Variants in VPS13B observed in about 807,000 individuals in gnomAD.
VPS13B encodes intermembrane lipid transfer protein VPS13B.
In VPS13B, 285 loss-of-function variants were observed where a neutral mutation model predicts 426.4. The observed-to-expected ratio is 0.67, with a 90% CI of 0.61 to 0.74. The LOEUF is 0.74. VPS13B is among the 30% of genes least tolerant of loss of function. The pLI, the probability that VPS13B is intolerant of heterozygous loss-of-function variation, is 0.00. For missense variants in VPS13B, 4,537 were observed against 4,782.6 expected (o/e 0.95, Z 1.51); for synonymous variants, 1,676 against 1,676.4 (o/e 1.00, Z 0.01).
At chr8:99,783,084 G>A (rs116270222) in intron 42 of VPS13B, among the ~76,000 whole-genome samples, 2 of 152,150 alleles carry the variant, frequency 1.3e-5, no homozygotes, top group African/African-American at 4.8e-5. Flanking sequence ...ATGATTAGGA[G>A]TAGATTCTGT....
intron 34 of VPS13B, among the ~76,000 whole-genome samples, chr8:99,643,189 T>C (rs746967354): frequency 4.6e-5 from 7 of 152,158 alleles, no homozygotes; most frequent in Non-Finnish European, 8.8e-5. Flanking sequence ...GGTGACAGTA[T>C]ACCCTTTCCC....
In VPS13B at chr8:99,835,630, C is replaced by T; in HGVS notation, c.9834C>T (p.Asp3278=). ...ATCATCAGATTTCCAGTTATCCGGACTGCAAGACCAAAGACTTACTTCCAA... is the reference window on the plus strand; with the variant it reads ...ATCATCAGATTTCCAGTTATCCGGATTGCAAGACCAAAGACTTACTTCCAA... The part of the protein sequence containing the change: ...ELYHQISSYP[D]CKTKDLLPSL... The change falls in exon 54 of 62, where the codon GAC becomes GAT. Residue 3278 remains aspartate, a synonymous_variant. Transcript: ENST00000357162. 1 of 1,614,100 alleles carries T rather than the reference C, an allele frequency of 6.2e-7. No homozygotes were observed. The highest frequency in any genetic ancestry group is 8.5e-7 in the Non-Finnish European group (1 of 1,180,026).
rs146360791 is a variant in VPS13B, at chr8:99,691,587, C to A, written c.6047-7938C>A. ...AATACAGTGTCAGCCGCTGCAAAATCATGCCAAAATGTAAAGACCATCGAG... is the reference window on the plus strand; with the variant it reads ...AATACAGTGTCAGCCGCTGCAAAATAATGCCAAAATGTAAAGACCATCGAG... On this transcript the variant is annotated intron_variant, in intron 35 of 61. Transcript: ENST00000357162. 3.5e-4 allele frequency among the ~76,000 whole-genome samples: 53 copies of A among 151,820 alleles called. 1 individual carries two copies. The East Asian group carries it at 9.9e-3, about 28-fold the overall frequency.
At chr8:99,253,942 C>G (rs1817628258) in intron 17 of VPS13B, among the ~76,000 whole-genome samples, 1 of 152,124 alleles carries the variant, frequency 6.6e-6, no homozygotes, top group Non-Finnish European at 1.5e-5. Flanking sequence ...ACATTTCTAA[C>G]TCATTACAGT....
Position 99,342,720 on chromosome 8 carries a change from C to A in VPS13B, c.2825-41488C>A, listed in dbSNP as rs535501316. On this transcript the variant is annotated intron_variant, in intron 19 of 61. Transcript: ENST00000357162. ...GCAGTGAACATGGCAGTGCAGATAT[C>A]CCTTTGACATATTTATTTCAGTTCC... 7.9e-5 allele frequency among the ~76,000 whole-genome samples: 12 copies of A among 152,236 alleles called. No individual in the cohort carries two copies. In the South Asian group the frequency reaches 1.5e-3, roughly 18 times the overall value.
intron 19 of VPS13B, among the ~76,000 whole-genome samples, chr8:99,344,496 A>G (rs1371993712): frequency 1.3e-5 from 2 of 152,146 alleles, no homozygotes; most frequent in African/African-American, 4.8e-5. Context: ...ACTTTATTGG[A>G]TATTGCCAAA....
chr8:99,691,820 T>C (rs370803359), intron 35 of VPS13B, among the ~76,000 whole-genome samples: 4 of 139,604 alleles, frequency 2.9e-5, no homozygotes, highest in African/African-American at 1.1e-4. Flanking sequence ...GAGACACACA[T>C]AGGCTCAAAA....
intron 17 of VPS13B, among the ~76,000 whole-genome samples, chr8:99,249,129 G>T (rs1003476668): frequency 6.7e-6 from 1 of 149,798 alleles, no homozygotes; most frequent in Non-Finnish European, 1.5e-5. Context: ...TGATATTAAA[G>T]GAATCATATA....
intron 3 of VPS13B, among the ~76,000 whole-genome samples, chr8:99,062,257 C>T (rs1442724376): frequency 1.3e-5 from 2 of 152,148 alleles, no homozygotes; most frequent in Non-Finnish European, 2.9e-5. Flanking sequence ...ATTTATAATA[C>T]AAATGCCAAT....
chr8:99,556,885 G>GAA (rs5893492), intron 31 of VPS13B, among the ~76,000 whole-genome samples: 5 of 150,646 alleles, frequency 3.3e-5, no homozygotes, highest in African/African-American at 1.2e-4. Context: ...TGTTAGCATA[G>GAA]AAAAAAAAAG....
intron 13 of VPS13B, among the ~76,000 whole-genome samples, chr8:99,143,747 A>T (rs1810555382): frequency 6.6e-6 from 1 of 152,184 alleles, no homozygotes; most frequent in Non-Finnish European, 1.5e-5. Flanking sequence ...CTCACTTCTT[A>T]GTATCCTTAA....
At chr8:99,527,023 C>T (rs935354896) in intron 30 of VPS13B, among the ~76,000 whole-genome samples, 5 of 152,104 alleles carry the variant, frequency 3.3e-5, no homozygotes, top group Middle Eastern at 3.4e-3. Flanking sequence ...ACCTTTTAAA[C>T]GGAGATCATT....
In VPS13B at chr8:99,870,958, AG is replaced by A. The variant is rs1277292630; in HGVS notation, c.11495+72del. On this transcript the variant is annotated intron_variant, in intron 60 of 61. Transcript: ENST00000357162. The stretch of plus-strand genomic sequence containing the variant: ...GTTAATAGCTCCTGGCTTGCTCTCA[AG>A]CTAATGGGCCATGCTTCCAGGGAGC... 5 of 1,488,408 alleles carry A rather than the reference AG, an allele frequency of 3.4e-6. No homozygotes were observed. In the East Asian group the frequency reaches 9.2e-5, roughly 27 times the overall value. The allele number at this position is 1,488,408 out of a possible 1,614,324, so 92.2% of individuals were successfully genotyped here.
intron 36 of VPS13B, among the ~76,000 whole-genome samples, 176 bp from the exon 37 acceptor site, chr8:99,716,995 A>T (rs1438829640): frequency 6.6e-6 from 1 of 152,234 alleles, no homozygotes; most frequent in East Asian, 1.9e-4. Flanking sequence ...AATGAGGTAT[A>T]CCTGCTTCAT....
chr8:99,146,036 G>T (rs981077678), intron 13 of VPS13B, among the ~76,000 whole-genome samples: 1 of 111,214 alleles, frequency 9.0e-6, no homozygotes, highest in Non-Finnish European at 2.0e-5. Context: ...CCATCTCATT[G>T]TGGTTTTAAA....
chr8:99,462,259 C>G (rs926894273), intron 23 of VPS13B, among the ~76,000 whole-genome samples: 5 of 147,358 alleles, frequency 3.4e-5, no homozygotes, highest in African/African-American at 1.2e-4. Flanking sequence ...TTTATTTTCT[C>G]CATGGTGGCA....
intron 3 of VPS13B, among the ~76,000 whole-genome samples, chr8:99,069,104 G>A (rs543003845): frequency 1.0e-3 from 159 of 152,212 alleles, no homozygotes; most frequent in African/African-American, 3.7e-3. Context: ...GCTAAAATTT[G>A]ATAACATAAT....
At chr8:99,679,050 A>C (rs1588616438) in intron 35 of VPS13B, among the ~76,000 whole-genome samples, 1 of 151,932 alleles carries the variant, frequency 6.6e-6, no homozygotes, top group Non-Finnish European at 1.5e-5. Context: ...CAATTCTTAC[A>C]CCCTTTTTCT....
At chr8:99,110,248 T>C (rs1395643261) in intron 5 of VPS13B, among the ~76,000 whole-genome samples, 1 of 152,186 alleles carries the variant, frequency 6.6e-6, no homozygotes, top group African/African-American at 2.4e-5. Flanking sequence ...TTTTATTGTT[T>C]TTTAAATTCC....
Sources: gnomAD v4.1 joint callset for allele counts (sites outside exome capture counted in the v4.1 genomes callset) on GRCh38, gnomAD v4.1.1 for gene constraint, MANE v1.5 for transcripts, NCBI Gene and HGNC (gene_info 2026-07-23, HGNC 2026-07-21) for gene names.